Variants in ROBO2 observed in about 807,000 individuals in gnomAD.
The protein encoded by ROBO2 is roundabout guidance receptor 2.
ROBO2 carries 53 observed loss-of-function variants against 160.8 expected under a neutral mutation model. The ratio of observed to expected loss-of-function variants is 0.33; its 90% CI spans 0.26 to 0.41. The LOEUF is 0.41. Ranked by LOEUF, ROBO2 falls within the 10% of genes least tolerant of loss-of-function variation. ROBO2 has a pLI of 1.00. For missense variants in ROBO2, 1,577 were observed against 1,722.4 expected, an observed-to-expected ratio of 0.92 and a Z score of 1.49; for synonymous variants, 664 against 611.7, an observed-to-expected ratio of 1.09 and a Z score of -1.26.
intron 2 of ROBO2, among the ~76,000 whole-genome samples, chr3:76,821,559 A>G (rs2066120106): frequency 6.6e-6 from 1 of 151,902 alleles, no homozygotes; most frequent in African/African-American, 2.4e-5. Context: ...TTATATTTCA[A>G]TTTTCTTTAA....
chr3:76,078,337 T>A (rs766293134), intron 2 of ROBO2, among the ~76,000 whole-genome samples: 4 of 152,180 alleles, frequency 2.6e-5, no homozygotes, highest in Non-Finnish European at 5.9e-5. Context: ...TAGTGTTGGA[T>A]TTAGCAGTAA....
intron 1 of ROBO2, among the ~76,000 whole-genome samples, chr3:75,926,374 T>G (rs1210393506): frequency 1.3e-5 from 2 of 152,194 alleles, no homozygotes; most frequent in Non-Finnish European, 2.9e-5. Context: ...ATTAGTTGTT[T>G]TTCCTGATCC....
At chr3:77,145,293 A>T (rs1192451470) in intron 2 of ROBO2, among the ~76,000 whole-genome samples, 1 of 152,198 alleles carries the variant, frequency 6.6e-6, no homozygotes, top group Non-Finnish European at 1.5e-5. Flanking sequence ...ATGAATATTG[A>T]TTCCTGAGAA....
intron 4 of ROBO2, among the ~76,000 whole-genome samples, chr3:77,487,910 C>G (rs2085571654): frequency 6.6e-6 from 1 of 152,022 alleles, no homozygotes; most frequent in Non-Finnish European, 1.5e-5. Flanking sequence ...AATTTTAAAG[C>G]CATTTTCAAT....
At chr3:76,854,061 T>TGC (rs2069752711) in intron 2 of ROBO2, among the ~76,000 whole-genome samples, 4 of 86,284 alleles carry the variant, frequency 4.6e-5, no homozygotes, top group Non-Finnish European at 5.1e-5. Context: ...TCTCTCTCTC[T>TGC]CTCTCTTTCT....
chr3:76,482,133 G>T (rs572886706), intron 2 of ROBO2, among the ~76,000 whole-genome samples: 32 of 152,196 alleles, frequency 2.1e-4, no homozygotes, highest in African/African-American at 7.7e-4. Flanking sequence ...CCCAGCATGT[G>T]ACCCTAACTA....
In ROBO2 at chr3:76,101,557, A is replaced by C. The variant is rs574136376; in HGVS notation, c.109+163955A>C. On this transcript the variant is annotated intron_variant, in intron 2 of 26. Coordinates refer to the ROBO2 transcript ENST00000487694. ...AGATTATGTAGTTATTTATTTATTT[A>C]TTTTTTATACTTGAAGTTTTGGGGT... Among the ~76,000 whole-genome samples, 36 of 152,152 alleles carry C rather than the reference A, an allele frequency of 2.4e-4. 1 individual carries two copies. The highest frequency in any genetic ancestry group is 8.4e-4 in the African/African-American group (35 of 41,494).
chr3:77,552,352 A>G (rs2092950268), intron 8 of ROBO2, among the ~76,000 whole-genome samples: 1 of 152,052 alleles, frequency 6.6e-6, no homozygotes, highest in South Asian at 2.1e-4. Context: ...ATGTTTCTAA[A>G]TGAAGAAATT....
chr3:77,589,454 A>T (rs2094131031), intron 17 of ROBO2, among the ~76,000 whole-genome samples: 1 of 152,154 alleles, frequency 6.6e-6, no homozygotes, highest in Non-Finnish European at 1.5e-5. Flanking sequence ...GCATGAATTA[A>T]GTGATTTACT....
At chr3:76,196,155 T>C (rs1702251937) in intron 2 of ROBO2, among the ~76,000 whole-genome samples, 1 of 152,150 alleles carries the variant, frequency 6.6e-6, no homozygotes, top group African/African-American at 2.4e-5. Context: ...CTGATTCTTA[T>C]TTCCCATTTT....
At chr3:77,520,319 T>C (rs971955901) in intron 5 of ROBO2, among the ~76,000 whole-genome samples, 65 of 151,250 alleles carry the variant, frequency 4.3e-4, no homozygotes, top group Non-Finnish European at 2.4e-4. Context: ...AATTCTGGTT[T>C]TTCTATTTAT....
chr3:77,636,931 C>G (rs1290424879), intron 24 of ROBO2, among the ~76,000 whole-genome samples: 1 of 152,152 alleles, frequency 6.6e-6, no homozygotes, highest in Non-Finnish European at 1.5e-5. Context: ...AAGTTATATT[C>G]TAAGGATATG....
intron 2 of ROBO2, among the ~76,000 whole-genome samples, chr3:76,785,654 TGAGA>T (rs1368172661): frequency 4.0e-5 from 6 of 151,234 alleles, no homozygotes; most frequent in Admixed American, 2.6e-4. Context: ...CTCACCTATC[TGAGA>T]GAGAAAGAAT....
chr3:76,965,721 A>C (rs2149257445), intron 2 of ROBO2, among the ~76,000 whole-genome samples: 1 of 149,272 alleles, frequency 6.7e-6, no homozygotes, highest in Admixed American at 6.7e-5. Flanking sequence ...AGATGTCTGT[A>C]AAGAAACTTC....
At chr3:77,409,863 A>G (rs1436750340) in intron 2 of ROBO2, among the ~76,000 whole-genome samples, 1 of 152,206 alleles carries the variant, frequency 6.6e-6, no homozygotes, top group African/African-American at 2.4e-5. Flanking sequence ...GTACACACAT[A>G]CACACACACC....
At chr3:76,326,454 A>C (rs1448659284) in intron 2 of ROBO2, among the ~76,000 whole-genome samples, 1 of 152,168 alleles carries the variant, frequency 6.6e-6, no homozygotes, top group South Asian at 2.1e-4. Context: ...GTGTATACAT[A>C]CCATGTACAT....
chr3:76,557,196 A>G (rs945259450), intron 2 of ROBO2, among the ~76,000 whole-genome samples: 3 of 152,074 alleles, frequency 2.0e-5, no homozygotes, highest in Non-Finnish European at 4.4e-5. Context: ...GCATTCTGTC[A>G]TTCCATATAT....
intron 2 of ROBO2, among the ~76,000 whole-genome samples, chr3:76,774,863 T>G (rs2062143024): frequency 6.6e-6 from 1 of 150,490 alleles, no homozygotes; most frequent in South Asian, 2.1e-4. Context: ...TTTCATCTAT[T>G]ATGGGTCACT....
intron 2 of ROBO2, among the ~76,000 whole-genome samples, chr3:77,220,356 A>G (rs1560272083): frequency 1.3e-5 from 2 of 152,134 alleles, no homozygotes; most frequent in Non-Finnish European, 2.9e-5. Flanking sequence ...CAACTTCTCC[A>G]TACATAAAAA....
Sources: allele counts gnomAD v4.1 joint callset (sites outside exome capture counted in the v4.1 genomes callset), GRCh38; gene constraint gnomAD v4.1.1; transcripts MANE v1.5; gene names NCBI Gene and HGNC (gene_info 2026-07-23, HGNC 2026-07-21).